The following KIAA0753 variants were observed in gnomAD, a reference collection of about 807,000 sequenced individuals.
The protein encoded by KIAA0753 is KIAA0753.
KIAA0753 carries 114 observed loss-of-function variants against 116.9 expected under a neutral mutation model. The ratio of observed to expected loss-of-function variants is 0.98; its 90% CI spans 0.84 to 1.14. The LOEUF (loss-of-function observed/expected upper bound fraction) is 1.14, where lower values mean the gene tolerates loss of function less well. Among genes scored for constraint, KIAA0753 ranks in the 50% most tolerant of loss-of-function variants. KIAA0753 has a pLI of 0.00. For synonymous variants in KIAA0753, 405 were observed against 413.1 expected (o/e 0.98, Z 0.24); for missense variants, 1,156 against 1,172.4 (o/e 0.99, Z 0.20).
intron 14 of KIAA0753, among the ~76,000 whole-genome samples, chr17:6,596,592 T>C (rs1969502598): frequency 1.3e-5 from 2 of 152,344 alleles, no homozygotes; most frequent in East Asian, 1.9e-4. Flanking sequence ...AATACCATTA[T>C]TGTCCATGCA....
At chr17:6,597,951 C>T (rs1969593228) in intron 14 of KIAA0753, among the ~76,000 whole-genome samples, 2 of 152,232 alleles carry the variant, frequency 1.3e-5, no homozygotes, top group South Asian at 2.1e-4. Context: ...TGACTCTTGA[C>T]GGTGCTGCCT....
intron 6 of KIAA0753, 116 bp from the exon 7 acceptor site, chr17:6,621,114 C>A: frequency 1.2e-6 from 1 of 813,784 alleles, no homozygotes; most frequent in East Asian, 2.7e-5. Context: ...CTATCTCTAA[C>A]AGTTAACACA....
chr17:6,635,419 T>C (rs1972263943), intron 1 of KIAA0753: 1 of 190,530 alleles, frequency 5.2e-6, no homozygotes, highest in East Asian at 1.5e-4. Context: ...TAATAATCTC[T>C]TGAGCCCTTT....
Position 6,623,531 on chromosome 17 carries a change from T to G in KIAA0753, c.866A>C (p.His289Pro). The G allele has an allele frequency of 6.2e-7, 1 of 1,609,274 alleles. No homozygotes were observed. Among genetic ancestry groups the G allele is most frequent in the Non-Finnish European group, 8.5e-7 (1 of 1,177,120 alleles). ...TACCTTCTTAGTGTGTTTAATTTTATGTGGACTCAATTTATCCAATTCTTC... is the reference window on the plus strand; with the variant it reads ...TACCTTCTTAGTGTGTTTAATTTTAGGTGGACTCAATTTATCCAATTCTTC... The part of the protein sequence containing the change: ...IQEELDKLSP[H>P]KIKHTKKSWA... The change falls in exon 5 of 19, where the codon CAT becomes CCT. Residue 289 changes from histidine (H) to proline (P), a missense_variant. By Grantham distance (77) the His-to-Pro change is moderately conservative (BLOSUM62 -2). Coordinates refer to ENST00000361413, the MANE Select transcript of KIAA0753 (RefSeq NM_014804.3).
intron 6 of KIAA0753, 79 bp from the exon 7 acceptor site, chr17:6,621,077 A>G (rs2150880171): frequency 1.5e-6 from 2 of 1,307,878 alleles, no homozygotes; most frequent in East Asian, 2.4e-5. Context: ...GAAAATAAGG[A>G]CTCCAGGGAA....
chr17:6,635,754 A>G (rs1972284851), intron 1 of KIAA0753: 1 of 152,160 alleles, frequency 6.6e-6, no homozygotes, highest in Non-Finnish European at 1.5e-5. Context: ...ACACAAGATA[A>G]TAGATATGAA....
In KIAA0753 at chr17:6,579,854, C is replaced by T; in HGVS notation, c.2797G>A (p.Glu933Lys). The change falls in exon 19 of 19, where the codon GAG (glutamate) becomes AAG (lysine). Residue 933 changes from glutamate (E) to lysine (K), a missense_variant. Coordinates refer to ENST00000361413, the MANE Select transcript of KIAA0753 (RefSeq NM_014804.3). Reference sequence around the variant, plus strand: ...GCACCCAGAGCTTCATCTACCAGCTCTTCTGAAAAGCTGGAAGACAAACAA... The same window carrying T: ...GCACCCAGAGCTTCATCTACCAGCTTTTCTGAAAAGCTGGAAGACAAACAA... ...PWLIAESFSE[E>K]LVDEALGAVA... 2 of 1,612,156 alleles carry T rather than the reference C, an allele frequency of 1.2e-6. No homozygotes were observed. The highest frequency in any genetic ancestry group is 1.1e-5 in the South Asian group (1 of 91,056).
chr17:6,616,305 A>G (rs1970928311), intron 7 of KIAA0753, among the ~76,000 whole-genome samples: 1 of 152,174 alleles, frequency 6.6e-6, no homozygotes, highest in Non-Finnish European at 1.5e-5. Flanking sequence ...TTACTTCTCT[A>G]TGGCCATGTA....
chr17:6,597,292 T>C (rs1181420455), intron 14 of KIAA0753, among the ~76,000 whole-genome samples: 1 of 152,074 alleles, frequency 6.6e-6, no homozygotes, highest in Non-Finnish European at 1.5e-5. Flanking sequence ...CCAACTTTCA[T>C]CAAAAGTTAA....
chr17:6,594,443 G>GA (rs1418579319), intron 16 of KIAA0753, among the ~76,000 whole-genome samples: 1 of 152,186 alleles, frequency 6.6e-6, no homozygotes, highest in Non-Finnish European at 1.5e-5. Flanking sequence ...ACACTATGGT[G>GA]AATGAAAGAA....
intron 12 of KIAA0753, among the ~76,000 whole-genome samples, chr17:6,606,456 G>A (rs12953046): frequency 1.3e-5 from 2 of 152,036 alleles, no homozygotes; most frequent in Non-Finnish European, 2.9e-5. Flanking sequence ...AAAGGGAACC[G>A]CATTTGAAAA....
rs193230273 is a variant in KIAA0753 at position 6,628,394 on chromosome 17, C to T, written c.441G>A (p.Lys147=). 1.2e-6 allele frequency: 2 copies of T among 1,614,196 alleles called. No individual in the cohort carries two copies. The highest frequency in any genetic ancestry group is 2.2e-5 in the East Asian group (1 of 44,884). ...GACAGGCTGCTTGACTCTTTGATTC[C>T]TTCCTTTCCACCCTGTGGTCGGGTA... is the stretch of plus-strand genomic sequence containing the variant. ...YKIPDHRVER[K]ESKSQAACQC... Residue 147 remains lysine, a synonymous_variant, in exon 3 of 19, where the codon AAG becomes AAA. Coordinates refer to ENST00000361413, the MANE Select transcript of KIAA0753 (RefSeq NM_014804.3).
chr17:6,608,215 T>C (rs563313125), intron 10 of KIAA0753, 133 bp downstream of exon 10: 9 of 422,964 alleles, frequency 2.1e-5, no homozygotes, highest in Non-Finnish European at 3.0e-5. Context: ...TATGTATTTA[T>C]TCTATTTTTA....
Position 6,596,286 on chromosome 17 carries a change from C to G in KIAA0753, c.2230G>C (p.Asp744His). ...ACAGCCCAGAGCTCACTGGCACAAT[C>G]TTCCAAAAAATCATCAAGCTGACGA... ...NIRQLDDFLE[D>H]CASELWAVTH... The change falls in exon 15 of 19, where the codon GAT (aspartate) becomes CAT (histidine). Residue 744 changes from aspartate to histidine, a missense_variant. Transcript: ENST00000361413. 1 of 1,609,318 alleles carries G rather than the reference C, an allele frequency of 6.2e-7. No individual in the cohort carries two copies. Among genetic ancestry groups the G allele is most frequent in the Non-Finnish European group, 8.5e-7 (1 of 1,177,450 alleles).
intron 2 of KIAA0753, among the ~76,000 whole-genome samples, chr17:6,633,581 A>G (rs1296069908): frequency 6.6e-6 from 1 of 152,166 alleles, no homozygotes; most frequent in Non-Finnish European, 1.5e-5. Flanking sequence ...AAAGATCTGT[A>G]TAAGAATGTT....
At chr17:6,620,648 C>T in intron 7 of KIAA0753, 140 bp downstream of exon 7, 1 of 754,582 alleles carries the variant, frequency 1.3e-6, no homozygotes, top group East Asian at 2.7e-5. Context: ...ATCTTGGTTG[C>T]TATTTACTGA....
At chr17:6,617,772 G>A (rs565185406) in intron 7 of KIAA0753, among the ~76,000 whole-genome samples, 28 of 152,306 alleles carry the variant, frequency 1.8e-4, no homozygotes, top group Admixed American at 1.3e-3. Context: ...GACTGAGTTC[G>A]TCATCGATCA....
chr17:6,607,143 C>G, intron 11 of KIAA0753, 38 bp downstream of exon 11: 5 of 1,516,580 alleles, frequency 3.3e-6, no homozygotes, highest in South Asian at 2.2e-5. Context: ...GTAGAATAGG[C>G]CTGCTTACCT....
At chr17:6,600,307 G>C (rs916057678) in intron 13 of KIAA0753, 73 bp downstream of exon 13, 2 of 1,162,370 alleles carry the variant, frequency 1.7e-6, no homozygotes, top group Non-Finnish European at 2.6e-6. Context: ...GGATCAATGA[G>C]ACCTCTGCAG....
Sources: allele counts gnomAD v4.1 joint callset (sites outside exome capture counted in the v4.1 genomes callset), GRCh38; gene constraint gnomAD v4.1.1; transcripts MANE v1.5; gene names NCBI Gene and HGNC (gene_info 2026-07-23, HGNC 2026-07-21).